Variants in ZFYVE9 observed in about 807,000 individuals in gnomAD.
ZFYVE9 encodes zinc finger FYVE-type containing 9, also known as zinc finger FYVE domain-containing protein 9.
Under a neutral mutation model 126.7 loss-of-function variants are expected in ZFYVE9, and 43 were observed. That is an observed-to-expected ratio of 0.34 (90% CI 0.27 to 0.44). The LOEUF (loss-of-function observed/expected upper bound fraction) is 0.44. Ranked by LOEUF, ZFYVE9 falls within the 20% of genes least tolerant of loss-of-function variation. The pLI is 1.00. For synonymous variants in ZFYVE9, 521 were observed against 597.4 expected (o/e 0.87, Z 1.87); for missense variants, 1,476 against 1,697.0 (o/e 0.87, Z 2.29).
intron 12 of ZFYVE9, among the ~76,000 whole-genome samples, chr1:52,299,106 C>A (rs1036369816): frequency 6.6e-6 from 1 of 152,142 alleles, no homozygotes; most frequent in Non-Finnish European, 1.5e-5. Flanking sequence ...CCTTGCCCGG[C>A]CCTTTTTCAA....
intron 4 of ZFYVE9, among the ~76,000 whole-genome samples, chr1:52,256,539 A>G (rs1450890555): frequency 6.6e-6 from 1 of 152,120 alleles, no homozygotes; most frequent in Non-Finnish European, 1.5e-5. Flanking sequence ...CACCACGCTC[A>G]GCAGATTTGT....
At chr1:52,320,843 G>T (rs1646232599) in intron 13 of ZFYVE9, among the ~76,000 whole-genome samples, 1 of 152,050 alleles carries the variant, frequency 6.6e-6, no homozygotes, top group Admixed American at 6.6e-5. Context: ...TTAAATATGT[G>T]TAATTCATCA....
intron 1 of ZFYVE9, among the ~76,000 whole-genome samples, chr1:52,183,309 A>G (rs1644732437): frequency 6.6e-6 from 1 of 152,236 alleles, no homozygotes. Flanking sequence ...TAAGTAGACT[A>G]TGAATGTTTG....
chr1:52,314,170 T>G (rs1400882539), intron 13 of ZFYVE9, among the ~76,000 whole-genome samples: 2 of 152,150 alleles, frequency 1.3e-5, no homozygotes, highest in Non-Finnish European at 2.9e-5. Flanking sequence ...AATGTTATGA[T>G]CATAATCAAA....
Position 52,239,295 on chromosome 1 carries a change from C to T in ZFYVE9, c.1878C>T (p.Asn626=), listed in dbSNP as rs1445853800. The T allele has an allele frequency of 2.5e-6, 4 of 1,614,114 alleles. No individual in the cohort carries two copies. The highest frequency in any genetic ancestry group is 3.4e-6 in the Non-Finnish European group (4 of 1,179,990). Residue 626 remains asparagine, a synonymous_variant, in exon 4 of 19, where the codon AAC becomes AAT. Coordinates refer to ENST00000287727, the MANE Select transcript of ZFYVE9 (RefSeq NM_004799.4). ...TTGGGAAAGCAAAATTAGGGGAAAA[C>T]TCAGCAACCAATGTATGCAGTCCAT... ...DILGKAKLGE[N]SATNVCSPSL...
chr1:52,311,156 C>T (rs566719742), intron 13 of ZFYVE9, among the ~76,000 whole-genome samples: 35 of 152,196 alleles, frequency 2.3e-4, no homozygotes, highest in Non-Finnish European at 4.0e-4. Flanking sequence ...CATGAGCCAC[C>T]ATGTCTGGCA....
chr1:52,166,898 G>GA (rs562298357), intron 1 of ZFYVE9, among the ~76,000 whole-genome samples: 17 of 151,466 alleles, frequency 1.1e-4, no homozygotes, highest in African/African-American at 3.9e-4. Flanking sequence ...ATCTTAAGAA[G>GA]AAAAAAAAGT....
intron 1 of ZFYVE9, among the ~76,000 whole-genome samples, chr1:52,143,099 A>C (rs1364645256): frequency 6.6e-6 from 1 of 152,182 alleles, no homozygotes; most frequent in African/African-American, 2.4e-5. Flanking sequence ...ATAAACACTC[A>C]CAGTTATAAA....
intron 1 of ZFYVE9, among the ~76,000 whole-genome samples, chr1:52,158,551 T>C (rs1242049293): frequency 6.6e-6 from 1 of 152,218 alleles, no homozygotes; most frequent in Non-Finnish European, 1.5e-5. Context: ...GCTTCTAGGT[T>C]TTCCAAATCA....
chr1:52,318,898 A>G (rs1646212184), intron 13 of ZFYVE9, among the ~76,000 whole-genome samples: 1 of 152,140 alleles, frequency 6.6e-6, no homozygotes, highest in East Asian at 1.9e-4. Flanking sequence ...GGAGTTCTAG[A>G]CCAGCCTGGG....
chr1:52,340,347 T>A (rs1646423110), intron 17 of ZFYVE9, 116 bp downstream of exon 17: 1 of 736,216 alleles, frequency 1.4e-6, no homozygotes. Context: ...CTGAGAAAAA[T>A]CTTTCTCGTT....
chr1:52,184,035 AAGGTAGAGTAGGGCTGCAGAG>A (rs1451148873), intron 1 of ZFYVE9, among the ~76,000 whole-genome samples: 3 of 151,002 alleles, frequency 2.0e-5, no homozygotes, highest in African/African-American at 7.3e-5. Flanking sequence ...AAGACACAGT[AAGGTAGAGTAGGGCTGCAGAG>A]AGGACATCAT....
At chr1:52,157,481 A>G (rs193225768) in intron 1 of ZFYVE9, among the ~76,000 whole-genome samples, 2 of 124,340 alleles carry the variant, frequency 1.6e-5, no homozygotes, top group Non-Finnish European at 3.2e-5. Context: ...GCTCACTGCA[A>G]CCTCCACCTC....
At chr1:52,309,304 C>A (rs1483362899) in intron 13 of ZFYVE9, among the ~76,000 whole-genome samples, 1 of 152,128 alleles carries the variant, frequency 6.6e-6, no homozygotes, top group Admixed American at 6.6e-5. Flanking sequence ...TGGCAAGACC[C>A]CATTTCTACA....
chr1:52,343,506 A>G (rs1414104552), intron 17 of ZFYVE9, among the ~76,000 whole-genome samples: 1 of 151,724 alleles, frequency 6.6e-6, no homozygotes, highest in Non-Finnish European at 1.5e-5. Flanking sequence ...CTGTAATCGT[A>G]GCACTTTGGG....
At chr1:52,309,214 C>G (rs190049824) in intron 13 of ZFYVE9, among the ~76,000 whole-genome samples, 1 of 152,132 alleles carries the variant, frequency 6.6e-6, no homozygotes, top group Non-Finnish European at 1.5e-5. Context: ...TGGTGACTCA[C>G]GCTTGTAATC....
intron 4 of ZFYVE9, among the ~76,000 whole-genome samples, chr1:52,245,704 C>T (rs113687736): frequency 4.6e-5 from 7 of 152,296 alleles, no homozygotes; most frequent in African/African-American, 1.7e-4. Flanking sequence ...TATTTATTAT[C>T]TAACTTAATC....
Position 52,334,811 on chromosome 1 carries a change from T to TA in ZFYVE9, c.3670+44dup, listed in dbSNP as rs750134005. The TA allele has an allele frequency of 4.4e-6, 7 of 1,582,168 alleles. No homozygotes were observed. The Admixed American group carries it at 5.0e-5, about 11-fold the overall frequency. On this transcript the variant is annotated intron_variant, in intron 15 of 18. Coordinates refer to ENST00000287727, the MANE Select transcript of ZFYVE9 (RefSeq NM_004799.4). ...CAGTCCTCATAATAAGGACTGAACT[T>TA]ATGTACATAAAGGGAATCCTTTACA...
intron 2 of ZFYVE9, among the ~76,000 whole-genome samples, chr1:52,228,318 G>A (rs1384577716): frequency 1.3e-5 from 2 of 152,076 alleles, no homozygotes; most frequent in Admixed American, 6.6e-5. Context: ...GGCCTCAAGC[G>A]ATCTCACACC....
Sources: gnomAD v4.1 joint callset for allele counts (sites outside exome capture counted in the v4.1 genomes callset) on GRCh38, gnomAD v4.1.1 for gene constraint, MANE v1.5 for transcripts, NCBI Gene and HGNC (gene_info 2026-07-23, HGNC 2026-07-21) for gene names.